The following RBFOX1 variants were observed in gnomAD, a reference collection of about 807,000 sequenced individuals.
RBFOX1 encodes RNA binding fox-1 homolog 1.
In RBFOX1, 8 loss-of-function variants were observed where a neutral mutation model predicts 57.7. That is an observed-to-expected ratio of 0.14 (90% CI 0.08 to 0.25). RBFOX1 has a LOEUF of 0.25. RBFOX1 is among the 10% of genes least tolerant of loss of function. RBFOX1 has a pLI of 1.00. For missense variants in RBFOX1, 611 were observed against 548.5 expected (o/e 1.11, Z -1.14); for synonymous variants, 326 against 222.4 (o/e 1.47, Z -4.15).
chr16:5,878,696 G>GA (rs1295384771), intron 4 of RBFOX1, among the ~76,000 whole-genome samples: 4 of 143,954 alleles, frequency 2.8e-5, no homozygotes, highest in African/African-American at 1.1e-4. Context: ...AATCGGGGTC[G>GA]AAAAAAAAGA....
At chr16:6,823,686 C>T (rs976305018) in intron 3 of RBFOX1, among the ~76,000 whole-genome samples, 3 of 152,250 alleles carry the variant, frequency 2.0e-5, no homozygotes, top group Admixed American at 6.5e-5. Flanking sequence ...ATTCTTCTTC[C>T]CTTTTTCATT....
rs190060644 is a variant in RBFOX1 at position 7,331,818 on chromosome 16, A to G, written c.28-186329A>G. Among the ~76,000 whole-genome samples, 297 of 152,262 alleles carry G rather than the reference A, an allele frequency of 2.0e-3. 1 individual carries two copies. The highest frequency in any genetic ancestry group is 6.4e-3 in the African/African-American group (266 of 41,548). Reference sequence around the variant, plus strand: ...TTATATTAATTAATATATTAATTCAATTGGAATTAATTCCAATTCATGTCA... The same window carrying G: ...TTATATTAATTAATATATTAATTCAGTTGGAATTAATTCCAATTCATGTCA... On this transcript the variant is annotated intron_variant, in intron 4 of 15. Coordinates refer to ENST00000550418, the MANE Select transcript of RBFOX1 (RefSeq NM_018723.4).
intron 10 of RBFOX1, among the ~76,000 whole-genome samples, chr16:7,609,802 G>T (rs922565126): frequency 6.1e-5 from 8 of 130,930 alleles, no homozygotes; most frequent in Non-Finnish European, 9.8e-5. Flanking sequence ...TACTGGTGGG[G>T]TTTTGTTTGT....
intron 2 of RBFOX1, among the ~76,000 whole-genome samples, chr16:6,633,540 C>G (rs548721846): frequency 4.6e-5 from 7 of 152,272 alleles, no homozygotes; most frequent in Admixed American, 2.6e-4. Flanking sequence ...GTGATCCCCC[C>G]ACCTGGGCCT....
intron 3 of RBFOX1, among the ~76,000 whole-genome samples, chr16:6,944,542 T>C (rs1017248006): frequency 6.6e-6 from 1 of 152,186 alleles, no homozygotes; most frequent in South Asian, 2.1e-4. Context: ...CACGATCTGG[T>C]ATATTTTGTA....
At chr16:6,666,891 C>G (rs1235152879) in intron 3 of RBFOX1, among the ~76,000 whole-genome samples, 2 of 152,112 alleles carry the variant, frequency 1.3e-5, no homozygotes, top group African/African-American at 4.8e-5. Context: ...TGAGTCTGCT[C>G]CACAGAACCA....
chr16:6,476,211 A>G (rs888934712), intron 2 of RBFOX1, among the ~76,000 whole-genome samples: 2 of 152,208 alleles, frequency 1.3e-5, no homozygotes, highest in Non-Finnish European at 2.9e-5. Flanking sequence ...ATAAGCACCT[A>G]TAATCTCACT....
intron 3 of RBFOX1, among the ~76,000 whole-genome samples, chr16:6,849,565 A>G (rs574047889): frequency 1.2e-4 from 19 of 152,194 alleles, no homozygotes; most frequent in Admixed American, 1.2e-3. Context: ...GCTACTCCAC[A>G]GGCTGAGACA....
At chr16:5,472,212 GT>G (rs1246811646) in intron 2 of RBFOX1, among the ~76,000 whole-genome samples, 1 of 152,072 alleles carries the variant, frequency 6.6e-6, no homozygotes, top group Non-Finnish European at 1.5e-5. Context: ...TTTTTATTCT[GT>G]TTCGGTTCCT....
chr16:6,251,307 TG>T (rs1273293641), intron 1 of RBFOX1, among the ~76,000 whole-genome samples: 2 of 152,206 alleles, frequency 1.3e-5, no homozygotes, highest in African/African-American at 4.8e-5. Context: ...GATATTAAAC[TG>T]GGGGGAAGCC....
intron 1 of RBFOX1, among the ~76,000 whole-genome samples, chr16:6,036,099 G>A (rs993106945): frequency 6.6e-6 from 1 of 152,144 alleles, no homozygotes; most frequent in South Asian, 2.1e-4. Context: ...CCTGGTGGAG[G>A]CAGCCACCTG....
At chr16:7,422,472 G>T (rs1044064733) in intron 4 of RBFOX1, among the ~76,000 whole-genome samples, 1 of 152,170 alleles carries the variant, frequency 6.6e-6, no homozygotes, top group East Asian at 1.9e-4. Context: ...GAAATAGGCA[G>T]CAATTCGATT....
At chr16:7,323,518 T>C (rs1406341836) in intron 4 of RBFOX1, among the ~76,000 whole-genome samples, 1 of 152,266 alleles carries the variant, frequency 6.6e-6, no homozygotes, top group Admixed American at 6.5e-5. Context: ...AGCCTTCTTA[T>C]AGTATTGAGC....
chr16:5,475,184 C>T (rs2069278486), intron 2 of RBFOX1, among the ~76,000 whole-genome samples: 1 of 152,178 alleles, frequency 6.6e-6, no homozygotes, highest in Non-Finnish European at 1.5e-5. Context: ...GTTTGATCTT[C>T]TGTCATTTAA....
intron 4 of RBFOX1, among the ~76,000 whole-genome samples, chr16:7,270,227 C>CT (rs2153109738): frequency 6.6e-6 from 1 of 152,320 alleles, no homozygotes; most frequent in East Asian, 1.9e-4. Context: ...CTGAGAGGAC[C>CT]TTCTCAGTTA....
intron 3 of RBFOX1, among the ~76,000 whole-genome samples, chr16:5,800,036 C>T (rs1260638804): frequency 6.6e-6 from 1 of 151,828 alleles, no homozygotes; most frequent in African/African-American, 2.4e-5. Context: ...GTATATTTCC[C>T]TATTTTTTAT....
At chr16:6,681,489 GATCAATTAGTGATGTTGTCCT>G (rs1389644590) in intron 3 of RBFOX1, among the ~76,000 whole-genome samples, 7 of 149,530 alleles carry the variant, frequency 4.7e-5, no homozygotes, top group African/African-American at 9.7e-5. Flanking sequence ...GTAGTTCTGT[GATCAATTAGTGATGTTGTCCT>G]TGTCTCCAGA....
chr16:5,699,630 T>G (rs1367422088), intron 3 of RBFOX1, among the ~76,000 whole-genome samples: 1 of 152,030 alleles, frequency 6.6e-6, no homozygotes, highest in East Asian at 1.9e-4. Flanking sequence ...GGTAGACATT[T>G]TTGGTTGTCA....
rs1282554562 is a variant in RBFOX1, at chr16:7,003,755, T to C, written c.-15-48302T>C. Among the ~76,000 whole-genome samples, 4 of 152,224 alleles carry C rather than the reference T, an allele frequency of 2.6e-5. No individual in the cohort carries two copies. In the East Asian group the frequency reaches 5.8e-4, roughly 22 times the overall value. On this transcript the variant is annotated intron_variant, in intron 3 of 15. Transcript: ENST00000550418. ...GTATGTATTAGAAAAAAACATGATA[T>C]GCACATCAAGTCTAATTTTATTAAT...
Sources: gnomAD v4.1 joint callset for allele counts (sites outside exome capture counted in the v4.1 genomes callset) on GRCh38, gnomAD v4.1.1 for gene constraint, MANE v1.5 for transcripts, NCBI Gene and HGNC (gene_info 2026-07-23, HGNC 2026-07-21) for gene names.